ANKRD11: variants seen among roughly 807,000 people sequenced by gnomAD.
ANKRD11 encodes the protein ankyrin repeat domain-containing protein 11.
ANKRD11 carries 17 observed loss-of-function variants against 195.7 expected under a neutral mutation model. That is an observed-to-expected ratio of 0.09 (90% CI 0.06 to 0.13). The LOEUF is 0.13. Ranked by LOEUF, ANKRD11 falls within the 10% of genes least tolerant of loss-of-function variation. The pLI, the probability that ANKRD11 is intolerant of heterozygous loss-of-function variation, is 1.00. For missense variants in ANKRD11, 3,735 were observed against 3,566.1 expected (o/e 1.05, Z -1.21); for synonymous variants, 1,953 against 1,528.1 (o/e 1.28, Z -6.49).
intron 1 of ANKRD11, among the ~76,000 whole-genome samples, chr16:89,426,114 G>A (rs1056463291): frequency 3.9e-5 from 6 of 152,040 alleles, no homozygotes; most frequent in African/African-American, 7.2e-5. Flanking sequence ...GGAGGCATCC[G>A]ACTCCTGCCA....
rs1168139483 is a variant in ANKRD11, at chr16:89,303,323, G to A, written c.226+1883C>T. ...AAAACCAGCATGGGGACCAAAGACG[G>A]CAAACACAGGGTTTCAGGCCTGGAC... On this transcript the variant is annotated intron_variant, in intron 4 of 12. Transcript: ENST00000301030. Among the ~76,000 whole-genome samples the A allele has an allele frequency of 2.6e-5, 4 of 152,298 alleles. No homozygotes were observed. In the East Asian group the frequency reaches 7.7e-4, roughly 29 times the overall value.
In ANKRD11 at chr16:89,368,371, G is replaced by GTTT. The variant is rs71134210; in HGVS notation, c.-60+49910_-60+49912dup. ...GCTGCCGTGCCTGGCTAATTTTTGT[G>GTTT]TTTTTTTTTTTTTTTTTTTTTTTTT... On this transcript the variant is annotated intron_variant, in intron 2 of 12. Coordinates refer to ENST00000301030, the MANE Select transcript of ANKRD11 (RefSeq NM_013275.6). Among the ~76,000 whole-genome samples the GTTT allele has an allele frequency of 1.4e-3, 77 of 56,588 alleles. 2 individuals are homozygous for GTTT. The highest frequency in any genetic ancestry group is 2.3e-3 in the East Asian group (3 of 1,294). 37.1% of individuals were successfully genotyped at this position (56,588 alleles called of 152,430 possible). A position where few individuals can be genotyped will look rare whatever the true frequency, so the allele number is the denominator to read the frequency against.
Position 89,280,268 on chromosome 16 carries a change from C to T in ANKRD11, c.6274G>A (p.Val2092Met), listed in dbSNP as rs769035062. Residue 2092 changes from valine (V) to methionine (M), a missense_variant, in exon 9 of 13, where the codon GTG (valine) becomes ATG (methionine). Val to Met is a conservative substitution (Grantham distance 21, BLOSUM62 1). Coordinates refer to ENST00000301030, the MANE Select transcript of ANKRD11 (RefSeq NM_013275.6). Reference protein sequence around the residue: ...EPACVAAVAQVEALGPLENSF... With the variant: ...EPACVAAVAQMEALGPLENSF... Reference sequence around the variant, plus strand: ...TTTTCCAGGGGCCCCAGAGCCTCCACCTGAGCCACAGCGGCTACACAGGCG... The same window carrying T: ...TTTTCCAGGGGCCCCAGAGCCTCCATCTGAGCCACAGCGGCTACACAGGCG... 6.2e-6 allele frequency: 10 copies of T among 1,609,264 alleles called. No homozygotes were observed. Among genetic ancestry groups the T allele is most frequent in the Non-Finnish European group, 8.5e-6 (10 of 1,179,292 alleles).
intron 2 of ANKRD11, chr16:89,324,546 C>T (rs769484109): frequency 1.2e-4 from 55 of 455,742 alleles, no homozygotes; most frequent in Non-Finnish European, 2.2e-4. Context: ...AGTCAGTGGA[C>T]GGGGAGAGGC....
intron 1 of ANKRD11, among the ~76,000 whole-genome samples, chr16:89,446,458 T>G (rs1174519918): frequency 6.6e-6 from 1 of 151,866 alleles, no homozygotes; most frequent in African/African-American, 2.4e-5. Context: ...ACAAAACTTA[T>G]CCGGGTGTGG....
At chr16:89,303,505 G>A (rs532930620) in intron 4 of ANKRD11, among the ~76,000 whole-genome samples, 14 of 152,282 alleles carry the variant, frequency 9.2e-5, no homozygotes, top group Admixed American at 7.2e-4. Context: ...TTCTTCCTCG[G>A]AGCTGTCCGC....
chr16:89,329,447 G>A (rs2037930484), intron 2 of ANKRD11, among the ~76,000 whole-genome samples: 1 of 152,182 alleles, frequency 6.6e-6, no homozygotes, highest in African/African-American at 2.4e-5. Context: ...ACTCCCATGG[G>A]TGATGAATAG....
intron 4 of ANKRD11, 190 bp downstream of exon 4, chr16:89,305,016 C>A (rs2036094779): frequency 4.8e-6 from 4 of 842,040 alleles, no homozygotes; most frequent in Non-Finnish European, 7.2e-6. Context: ...TGGGCCTGAG[C>A]CTCGGGTGCA....
At chr16:89,448,413 C>G (rs1335119263) in intron 1 of ANKRD11, among the ~76,000 whole-genome samples, 1 of 152,170 alleles carries the variant, frequency 6.6e-6, no homozygotes, top group Non-Finnish European at 1.5e-5. Flanking sequence ...CCTGATCTGT[C>G]AGAATTCACA....
At position 89,282,322 on chromosome 16, in the gene ANKRD11, T is replaced by G. The variant is rs775733305; in HGVS notation, c.4220A>C (p.Asn1407Thr). The G allele has an allele frequency of 1.9e-6, 3 of 1,614,216 alleles. No homozygotes were observed. The South Asian group carries it at 3.3e-5, about 18-fold the overall frequency. The change falls in exon 9 of 13, where the codon AAC becomes ACC. Residue 1407 changes from asparagine (N) to threonine (T), a missense_variant. By Grantham distance (65) the Asn-to-Thr change is moderately conservative (BLOSUM62 0). Coordinates refer to ENST00000301030, the MANE Select transcript of ANKRD11 (RefSeq NM_013275.6). ...CTCATCTTCTATGTCAGCTTTCATGTTGTAAGAAACTCCGTAAGCATCCGC... is the reference window on the plus strand; with the variant it reads ...CTCATCTTCTATGTCAGCTTTCATGGTGTAAGAAACTCCGTAAGCATCCGC... ...LEADAYGVSY[N>T]MKADIEDELD...
intron 1 of ANKRD11, among the ~76,000 whole-genome samples, chr16:89,460,871 G>C (rs2152331904): frequency 6.6e-6 from 1 of 152,186 alleles, no homozygotes. Flanking sequence ...AAATATGCCA[G>C]TCACGAAAGG....
At chr16:89,375,541 C>G (rs1350424908) in intron 2 of ANKRD11, among the ~76,000 whole-genome samples, 2 of 152,034 alleles carry the variant, frequency 1.3e-5, no homozygotes, top group African/African-American at 4.8e-5. Flanking sequence ...CTCGCTGCAA[C>G]CTCTGCCTCC....
Position 89,279,329 on chromosome 16 carries a change from G to T in ANKRD11, c.7213C>A (p.Gln2405Lys). The change falls in exon 9 of 13, where the codon CAG (glutamine) becomes AAG (lysine). Residue 2405 changes from glutamine to lysine, a missense_variant. Physicochemically the swap from Gln to Lys is moderately conservative, Grantham distance 53. Coordinates refer to ENST00000301030, the MANE Select transcript of ANKRD11 (RefSeq NM_013275.6). The surrounding 1 kb of genome is among the most constrained non-coding windows in gnomAD (Gnocchi z 5.6). The stretch of plus-strand genomic sequence containing the variant: ...TGCTGGATCACCTCCCGCGTCTGCT[G>T]CGTGGACGTGTTCAGCTGCTGCTGC... Reference protein sequence around the residue: ...QLQQQLNTSTQQTREVIQQTL... With the variant: ...QLQQQLNTSTKQTREVIQQTL... 1 of 1,611,604 alleles carries T rather than the reference G, an allele frequency of 6.2e-7. No individual in the cohort carries two copies. The highest frequency in any genetic ancestry group is 8.5e-7 in the Non-Finnish European group (1 of 1,179,660).
chr16:89,425,086 A>T (rs1413407720), intron 1 of ANKRD11, among the ~76,000 whole-genome samples: 4 of 152,126 alleles, frequency 2.6e-5, no homozygotes, highest in Non-Finnish European at 5.9e-5. Flanking sequence ...CTATTTAAAA[A>T]AAAAAAAAAA....
chr16:89,280,689 G>C lies in ANKRD11; in HGVS notation c.5853C>G (p.Ala1951=), dbSNP rs947129807. The change falls in exon 9 of 13, where the codon GCC becomes GCG. Residue 1951 remains alanine, a synonymous_variant. Transcript: ENST00000301030. ...AVITEEPVEW[A]HPSEQALASS... is the part of the protein sequence containing the mutation. ...AGGCAAGCGCCTGCTCGGAGGGGTG[G>C]GCCCACTCAACGGGCTCCTCGGTGA... 1 of 1,613,358 alleles carries C rather than the reference G, an allele frequency of 6.2e-7. No individual in the cohort carries two copies. The highest frequency in any genetic ancestry group is 8.5e-7 in the Non-Finnish European group (1 of 1,179,906).
In ANKRD11 at chr16:89,280,719, G is replaced by A. The variant is rs775856441; in HGVS notation, c.5823C>T (p.Ala1941=). ...ACTCAACGGGCTCCTCGGTGATGACGGCGCTGAAGGGACCCTCGTCCAGCG... is the reference window on the plus strand; with the variant it reads ...ACTCAACGGGCTCCTCGGTGATGACAGCGCTGAAGGGACCCTCGTCCAGCG... ...LEPLDEGPFS[A]VITEEPVEWA... is the part of the protein sequence containing the mutation. The change falls in exon 9 of 13, where the codon GCC becomes GCT. Residue 1941 remains alanine (A), a synonymous_variant. Coordinates refer to ENST00000301030, the MANE Select transcript of ANKRD11 (RefSeq NM_013275.6). 2.5e-6 allele frequency: 4 copies of A among 1,613,264 alleles called. No homozygotes were observed. The highest frequency in any genetic ancestry group is 4.5e-5 in the East Asian group (2 of 44,864).
At position 89,279,138 on chromosome 16, in the gene ANKRD11, C is replaced by A. The variant is rs750538741; in HGVS notation, c.7404G>T (p.Glu2468Asp). The A allele has an allele frequency of 1.2e-6, 2 of 1,613,776 alleles. No homozygotes were observed. Among genetic ancestry groups the A allele is most frequent in the African/African-American group, 2.7e-5 (2 of 74,920 alleles). ...ITPQAPQCYAEYVTYTGSYLL... is the reference protein window; with the variant it reads ...ITPQAPQCYADYVTYTGSYLL... ...GGTAGGAGCCCGTGTAGGTGACGTA[C>A]TCGGCGTAGCACTGGGGCGCCTGCG... Residue 2468 changes from glutamate to aspartate, a missense_variant, in exon 9 of 13, where the codon GAG becomes GAT. Glu to Asp is a conservative substitution (Grantham distance 45). Coordinates refer to ENST00000301030, the MANE Select transcript of ANKRD11 (RefSeq NM_013275.6). The surrounding 1 kb of genome is among the most constrained non-coding windows in gnomAD (Gnocchi z 5.6).
intron 7 of ANKRD11, 63 bp from the exon 8 acceptor site, chr16:89,286,249 CA>C (rs2034636213): frequency 6.3e-7 from 1 of 1,596,752 alleles, no homozygotes; most frequent in South Asian, 1.1e-5. Flanking sequence ...TACCGTTCCG[CA>C]TAACACGGCA....
Position 89,274,141 on chromosome 16 carries a change from G to C in ANKRD11, c.7713+673C>G, listed in dbSNP as rs1414349580. Reference sequence around the variant, plus strand: ...GGAGTCCCTGGCACATGGGCTGCTTGAAGGCAGACAGGAAGAGCTGCCCCA... The same window carrying C: ...GGAGTCCCTGGCACATGGGCTGCTTCAAGGCAGACAGGAAGAGCTGCCCCA... On this transcript the variant is annotated intron_variant, in intron 11 of 12. Coordinates refer to ENST00000301030, the MANE Select transcript of ANKRD11 (RefSeq NM_013275.6). 7.2e-5 allele frequency among the ~76,000 whole-genome samples: 11 copies of C among 152,334 alleles called. No individual in the cohort carries two copies. The East Asian group carries it at 2.1e-3, about 29-fold the overall frequency.
Sources: gnomAD v4.1 joint callset for allele counts (sites outside exome capture counted in the v4.1 genomes callset) on GRCh38, gnomAD v4.1.1 for gene constraint, Gnocchi (gnomAD v3.1) non-coding constraint, MANE v1.5 for transcripts, NCBI Gene and HGNC (gene_info 2026-07-23, HGNC 2026-07-21) for gene names.